Variants in HAUS6 observed in about 807,000 individuals in gnomAD.
HAUS6 encodes HAUS augmin-like complex subunit 6.
HAUS6 carries 80 observed loss-of-function variants against 106.8 expected under a neutral mutation model. That is an observed-to-expected ratio of 0.75 (90% CI 0.63 to 0.90). The LOEUF is 0.90. HAUS6 is among the 40% of genes least tolerant of loss of function. The probability of loss-of-function intolerance (pLI) is 0.00; values close to 1 mark genes in which losing one functional copy is unlikely to be tolerated. For synonymous variants in HAUS6, 356 were observed against 379.1 expected (o/e 0.94, Z 0.71); for missense variants, 1,155 against 1,118.1 (o/e 1.03, Z -0.47).
At position 19,093,286 on chromosome 9, in the gene HAUS6, G is replaced by C. The variant is rs914952433; in HGVS notation, c.321C>G (p.Ser107Arg). ...IKRISGECGS[S>R]FPQVVGSLFL... is the part of the protein sequence containing the mutation. ...ATAGTGAACCAACAACTTGAGGAAA[G>C]CTACTTCCACATTCACCCTATGAAG... Residue 107 changes from serine to arginine, a missense_variant, in exon 4 of 17, where the codon AGC (serine) becomes AGG (arginine). Transcript: ENST00000380502. 6.8e-6 allele frequency: 11 copies of C among 1,606,188 alleles called. No individual in the cohort carries two copies. The highest frequency in any genetic ancestry group is 2.2e-5 in the East Asian group (1 of 44,820).
rs548820254 is a variant in HAUS6 at position 19,091,556 on chromosome 9, T to G, written c.436+1615A>C. ...ACTGGAAACATTCTTATATTACATTTGTAATCCTAGCACTTTGGGAGGCCA... is the reference window on the plus strand; with the variant it reads ...ACTGGAAACATTCTTATATTACATTGGTAATCCTAGCACTTTGGGAGGCCA... On this transcript the variant is annotated intron_variant, in intron 4 of 16. Transcript: ENST00000380502. Among the ~76,000 whole-genome samples, 9 of 152,314 alleles carry G rather than the reference T, an allele frequency of 5.9e-5. No homozygotes were observed. In the East Asian group the frequency reaches 1.7e-3, roughly 29 times the overall value.
chr9:19,059,363 A>G (rs1836556321), intron 15 of HAUS6, among the ~76,000 whole-genome samples: 1 of 152,200 alleles, frequency 6.6e-6, no homozygotes, highest in African/African-American at 2.4e-5. Flanking sequence ...CAGGCCATCC[A>G]TTCTGTCAAC....
At chr9:19,084,996 G>A (rs1837256381) in intron 7 of HAUS6, among the ~76,000 whole-genome samples, 1 of 151,814 alleles carries the variant, frequency 6.6e-6, no homozygotes, top group African/African-American at 2.4e-5. Flanking sequence ...GGCACAACCA[G>A]AGCACACTGC....
intron 11 of HAUS6, among the ~76,000 whole-genome samples, chr9:19,075,616 A>C (rs768634773): frequency 5.3e-5 from 8 of 152,152 alleles, no homozygotes; most frequent in Non-Finnish European, 8.8e-5. Context: ...ATATGACTTC[A>C]TTTATATGAA....
intron 4 of HAUS6, among the ~76,000 whole-genome samples, chr9:19,090,195 T>C (rs1019417217): frequency 2.0e-5 from 3 of 152,020 alleles, no homozygotes; most frequent in African/African-American, 7.2e-5. Flanking sequence ...CTAAAAAAGA[T>C]TTCTAAAGGC....
chr9:19,058,506 C>G lies in HAUS6; in HGVS notation c.2261G>C (p.Trp754Ser). ...TCCACTTGATATCTGAAAAGAATTC[C>G]ACAACATAGTTTTATTTGTGGAAGG... ...NKPSTNKTMLWNSFQISSGIS... is the reference protein window; with the variant it reads ...NKPSTNKTMLSNSFQISSGIS... The change falls in exon 16 of 17, where the codon TGG (tryptophan) becomes TCG (serine). Residue 754 changes from tryptophan to serine, a missense_variant. Transcript: ENST00000380502. The G allele has an allele frequency of 6.3e-7, 1 of 1,578,018 alleles. No homozygotes were observed. Among genetic ancestry groups the G allele is most frequent in the Non-Finnish European group, 8.6e-7 (1 of 1,159,280 alleles).
chr9:19,094,482 A>C lies in HAUS6; in HGVS notation c.225-87T>G, dbSNP rs564551206. On this transcript the variant is annotated intron_variant, in intron 2 of 16. Coordinates refer to ENST00000380502, the MANE Select transcript of HAUS6 (RefSeq NM_017645.5). ...AGCAAATTTTTTAAAAATCAAACTT[A>C]TTTCTAATACCAGAAATATTAATGC... 2.2e-5 allele frequency: 16 copies of C among 742,536 alleles called. No homozygotes were observed. In the African/African-American group the frequency reaches 2.7e-4, roughly 13 times the overall value. The allele number at this position is 742,536 out of a possible 1,614,324, so 46.0% of individuals were successfully genotyped here.
chr9:19,062,452 T>C (rs1026805617), intron 14 of HAUS6, among the ~76,000 whole-genome samples: 3 of 152,234 alleles, frequency 2.0e-5, no homozygotes, highest in African/African-American at 7.2e-5. Context: ...TTTCAGGTAA[T>C]GTTTAAAGAA....
intron 12 of HAUS6, chr9:19,063,883 T>C: frequency 4.2e-6 from 2 of 481,886 alleles, no homozygotes; most frequent in Non-Finnish European, 7.9e-6. Context: ...GAACACAGGT[T>C]AAAAACAGAT....
Position 19,058,664 on chromosome 9 carries a change from G to A in HAUS6, c.2103C>T (p.Ala701=), listed in dbSNP as rs1836537385. The A allele has an allele frequency of 6.2e-7, 1 of 1,611,322 alleles. No homozygotes were observed. Among genetic ancestry groups the A allele is most frequent in the Non-Finnish European group, 8.5e-7 (1 of 1,177,808 alleles). The change falls in exon 16 of 17, where the codon GCC becomes GCT. Residue 701 remains alanine, a synonymous_variant. Transcript: ENST00000380502. Reference sequence around the variant, plus strand: ...GGCTAGTTTCTGAAAGCTTGGTGAAGGCTAAACATTCCAAATCTTGCTTGC... The same window carrying A: ...GGCTAGTTTCTGAAAGCTTGGTGAAAGCTAAACATTCCAAATCTTGCTTGC... ...VICKQDLECL[A]FTKLSETSRM... is the part of the protein sequence containing the mutation.
At chr9:19,068,987 AT>A (rs951527820) in intron 12 of HAUS6, among the ~76,000 whole-genome samples, 12 of 151,430 alleles carry the variant, frequency 7.9e-5, no homozygotes, top group Non-Finnish European at 1.3e-4. Flanking sequence ...AAGTTGTCCA[AT>A]TTTTTTTTAA....
chr9:19,092,851 G>C (rs1332878449), intron 4 of HAUS6, among the ~76,000 whole-genome samples: 1 of 150,238 alleles, frequency 6.7e-6, no homozygotes, highest in Non-Finnish European at 1.5e-5. Context: ...CTTGAACCTG[G>C]GAGGCAGAGG....
rs149444515 is a variant in HAUS6, at chr9:19,073,654, A to C, written c.1294+2948T>G. On this transcript the variant is annotated intron_variant, in intron 11 of 16. Coordinates refer to ENST00000380502, the MANE Select transcript of HAUS6 (RefSeq NM_017645.5). ...ACTAGTGGATCTCCAAAAAAAAAAAAAAGAGAGAAATAATTCAAAAATAAA... is the reference window on the plus strand; with the variant it reads ...ACTAGTGGATCTCCAAAAAAAAAAACAAGAGAGAAATAATTCAAAAATAAA... 3.0e-3 allele frequency among the ~76,000 whole-genome samples: 449 copies of C among 151,888 alleles called. 1 individual carries two copies. Among genetic ancestry groups the C allele is most frequent in the African/African-American group, 0.01 (432 of 41,468 alleles).
In HAUS6 at chr9:19,058,159, G is replaced by A; in HGVS notation, c.2608C>T (p.Pro870Ser). The part of the protein sequence containing the change: ...ERHKPELSPT[P>S]QNVQTDDTLN... ...GTATCATCTGTTTGTACATTTTGGG[G>A]AGTAGGGCTCAATTCTGGTTTGTGT... Residue 870 changes from proline (P) to serine (S), a missense_variant, in exon 16 of 17, where the codon CCC (proline) becomes TCC (serine). Pro to Ser is a moderately conservative substitution (Grantham distance 74). Transcript: ENST00000380502. 3 of 1,613,922 alleles carry A rather than the reference G, an allele frequency of 1.9e-6. No homozygotes were observed. The highest frequency in any genetic ancestry group is 2.5e-6 in the Non-Finnish European group (3 of 1,179,820).
intron 16 of HAUS6, 56 bp from the exon 17 acceptor site, chr9:19,056,460 A>T: frequency 1.0e-6 from 1 of 975,724 alleles, no homozygotes; most frequent in Non-Finnish European, 1.6e-6. Flanking sequence ...AATAAACAAT[A>T]GATTCCAAGC....
chr9:19,069,144 T>A (rs1334854507), intron 12 of HAUS6, among the ~76,000 whole-genome samples: 1 of 152,154 alleles, frequency 6.6e-6, no homozygotes, highest in African/African-American at 2.4e-5. Flanking sequence ...AATGGCACTA[T>A]AGGATGTAGT....
chr9:19,067,346 GAGC>G (rs1290933534), intron 12 of HAUS6, among the ~76,000 whole-genome samples: 1 of 152,160 alleles, frequency 6.6e-6, no homozygotes, highest in Non-Finnish European at 1.5e-5. Flanking sequence ...GAAGAATTCT[GAGC>G]AGACTACTTC....
intron 1 of HAUS6, among the ~76,000 whole-genome samples, chr9:19,098,726 A>G (rs1379767314): frequency 2.1e-5 from 1 of 47,784 alleles, no homozygotes; most frequent in Non-Finnish European, 5.0e-5. Flanking sequence ...TATGTTTAAC[A>G]TTTAAAAAAA....
chr9:19,058,195 T>C lies in HAUS6; in HGVS notation c.2572A>G (p.Thr858Ala). The C allele has an allele frequency of 1.2e-6, 2 of 1,613,912 alleles. No individual in the cohort carries two copies. Among genetic ancestry groups the C allele is most frequent in the Non-Finnish European group, 1.7e-6 (2 of 1,179,846 alleles). The change falls in exon 16 of 17, where the codon ACA becomes GCA. Residue 858 changes from threonine to alanine, a missense_variant. By Grantham distance (58) the Thr-to-Ala change is moderately conservative. Around this residue, in one of 3 missense-constraint regions of HAUS6, gnomAD observed 380 missense variants for 394.8 expected, o/e 0.96. Transcript: ENST00000380502. ...AATTCTGGTTTGTGTCTTTCGGGTG[T>C]TTGGGAATTCGAGAGGTAAGATTCT... ...REESYLSNSQ[T>A]PERHKPELSP...
Sources: allele counts gnomAD v4.1 joint callset (sites outside exome capture counted in the v4.1 genomes callset), GRCh38; gene constraint gnomAD v4.1.1; regional missense constraint gnomAD v4.1.1; transcripts MANE v1.5; gene names NCBI Gene and HGNC (gene_info 2026-07-23, HGNC 2026-07-21).